Variants in SRGAP3 observed in about 807,000 individuals in gnomAD.
SRGAP3 encodes SLIT-ROBO Rho GTPase-activating protein 3.
SRGAP3 carries 39 observed loss-of-function variants against 121.1 expected under a neutral mutation model. That is an observed-to-expected ratio of 0.32 (90% CI 0.25 to 0.42). The LOEUF (loss-of-function observed/expected upper bound fraction) is 0.42, where lower values mean the gene tolerates loss of function less well. Among genes scored for constraint, SRGAP3 ranks in the 10% least tolerant of loss-of-function variants. The pLI is 1.00. For missense variants in SRGAP3, 1,213 were observed against 1,470.6 expected (o/e 0.82, Z 2.86); for synonymous variants, 601 against 570.0 (o/e 1.05, Z -0.77).
At chr3:9,031,500 C>G (rs899073415) in intron 12 of SRGAP3, among the ~76,000 whole-genome samples, 4 of 152,174 alleles carry the variant, frequency 2.6e-5, no homozygotes, top group African/African-American at 9.7e-5. Flanking sequence ...CGACCCTGGG[C>G]AGTCCCAACT....
intron 4 of SRGAP3, among the ~76,000 whole-genome samples, chr3:9,072,767 C>T (rs867316682): frequency 1.3e-5 from 2 of 152,366 alleles, no homozygotes; most frequent in Non-Finnish European, 2.9e-5. Flanking sequence ...AGGTGACTTT[C>T]GGTGTCATGG....
At chr3:9,143,900 T>C (rs763574144) in intron 1 of SRGAP3, among the ~76,000 whole-genome samples, 2 of 152,156 alleles carry the variant, frequency 1.3e-5, no homozygotes, top group Non-Finnish European at 2.9e-5. Context: ...CCCATCACTG[T>C]GTCCTATCCG....
At chr3:9,330,496 G>T in intron 2 of SRGAP3, 1 of 165,636 alleles carries the variant, frequency 6.0e-6, no homozygotes, top group South Asian at 1.5e-4. Context: ...CACTCTGAGA[G>T]ATCAATGGAC....
intron 1 of SRGAP3, chr3:9,349,129 G>A: frequency 1.2e-6 from 1 of 805,448 alleles, no homozygotes; most frequent in Non-Finnish European, 2.2e-6. Context: ...AGTTCCTGGG[G>A]GATGAAGAGA....
At chr3:9,182,676 C>G (rs1165527371) in intron 1 of SRGAP3, among the ~76,000 whole-genome samples, 1 of 151,980 alleles carries the variant, frequency 6.6e-6, no homozygotes, top group Non-Finnish European at 1.5e-5. Flanking sequence ...TTTATAGAGA[C>G]AGGGTCTTGC....
chr3:9,101,706 G>A (rs895106436), intron 3 of SRGAP3, among the ~76,000 whole-genome samples: 8 of 152,160 alleles, frequency 5.3e-5, no homozygotes, highest in Admixed American at 1.3e-4. Flanking sequence ...CCGCATGCCC[G>A]AAGCCAGGCT....
At chr3:9,196,022 G>C (rs986584019) in intron 1 of SRGAP3, among the ~76,000 whole-genome samples, 1 of 152,206 alleles carries the variant, frequency 6.6e-6, no homozygotes. Context: ...AATTTAGGGA[G>C]AAAATTTAGA....
At chr3:9,027,791 C>G (rs1944289702) in intron 12 of SRGAP3, among the ~76,000 whole-genome samples, 1 of 152,204 alleles carries the variant, frequency 6.6e-6, no homozygotes, top group Non-Finnish European at 1.5e-5. Context: ...TATTCCAGGT[C>G]ACTTAAAGAG....
chr3:9,325,854 T>G (rs1223603332), intron 3 of SRGAP3, among the ~76,000 whole-genome samples: 2 of 151,980 alleles, frequency 1.3e-5, no homozygotes, highest in African/African-American at 4.8e-5. Flanking sequence ...GACCCCTTTT[T>G]CATTTCTATT....
At chr3:9,012,176 C>G (rs141169985) in intron 17 of SRGAP3, among the ~76,000 whole-genome samples, 14 of 152,326 alleles carry the variant, frequency 9.2e-5, no homozygotes, top group African/African-American at 3.1e-4. Flanking sequence ...GAAGGAAACA[C>G]AAAGGCTGGA....
At chr3:9,161,966 A>G (rs908195487) in intron 1 of SRGAP3, among the ~76,000 whole-genome samples, 3 of 152,210 alleles carry the variant, frequency 2.0e-5, no homozygotes, top group Non-Finnish European at 2.9e-5. Context: ...CTATATCCAC[A>G]TAGTGGAATA....
chr3:9,081,194 C>T (rs1947227832), intron 3 of SRGAP3: 4 of 455,650 alleles, frequency 8.8e-6, no homozygotes, highest in Admixed American at 7.1e-5. Flanking sequence ...CTTAGTTTGA[C>T]TCCAAATTTC....
At chr3:9,222,912 A>G (rs1952860533) in intron 1 of SRGAP3, among the ~76,000 whole-genome samples, 1 of 152,244 alleles carries the variant, frequency 6.6e-6, no homozygotes, top group Non-Finnish European at 1.5e-5. Flanking sequence ...AGCTTGGGTG[A>G]TATCTCTGTG....
At chr3:9,313,186 C>G (rs1350297714) in intron 3 of SRGAP3, among the ~76,000 whole-genome samples, 1 of 152,144 alleles carries the variant, frequency 6.6e-6, no homozygotes, top group East Asian at 1.9e-4. Context: ...CGCCTAAGAG[C>G]CTTTGCACTT....
chr3:9,010,281 C>T (rs1186489480), intron 18 of SRGAP3, 27 bp downstream of exon 18: 4 of 1,613,730 alleles, frequency 2.5e-6, no homozygotes, highest in South Asian at 1.1e-5. Flanking sequence ...GGAAGAATCC[C>T]TTGTCCCCAG....
chr3:9,042,053 A>G (rs1475781926), intron 10 of SRGAP3, among the ~76,000 whole-genome samples: 1 of 150,290 alleles, frequency 6.7e-6, no homozygotes. Context: ...ATAAGCTGAG[A>G]TTGTGCCACT....
chr3:9,206,262 C>T (rs1423290261), intron 1 of SRGAP3, among the ~76,000 whole-genome samples: 1 of 152,194 alleles, frequency 6.6e-6, no homozygotes, highest in Non-Finnish European at 1.5e-5. Flanking sequence ...AACAAACCTA[C>T]TCCATAAAAC....
In SRGAP3 at chr3:9,042,102, CA is replaced by C. The variant is rs370049198; in HGVS notation, c.1409-4013del. ...GGACCCCCAGAGCTAGACGCCATCT[CA>C]AAAAAAAAAAAAAAAGAGAGAGAGA... On this transcript the variant is annotated intron_variant, in intron 10 of 21. Coordinates refer to ENST00000383836, the MANE Select transcript of SRGAP3 (RefSeq NM_014850.4). Among the ~76,000 whole-genome samples the C allele has an allele frequency of 7.8e-3, 767 of 98,114 alleles. 3 individuals are homozygous for C. The highest frequency in any genetic ancestry group is 0.018 in the African/African-American group (495 of 26,896). The allele number at this position is 98,114 out of a possible 152,430, so 64.4% of individuals were successfully genotyped here.
intron 4 of SRGAP3, among the ~76,000 whole-genome samples, chr3:9,072,222 T>C (rs536765992): frequency 1.3e-5 from 2 of 152,314 alleles, no homozygotes; most frequent in African/African-American, 4.8e-5. Flanking sequence ...TAAGTGCTGC[T>C]CCTTCTGCCC....
Sources: gnomAD v4.1 joint callset for allele counts (sites outside exome capture counted in the v4.1 genomes callset) on GRCh38, gnomAD v4.1.1 for gene constraint, MANE v1.5 for transcripts, NCBI Gene and HGNC (gene_info 2026-07-23, HGNC 2026-07-21) for gene names.